SMYD3: variants seen among roughly 807,000 people sequenced by gnomAD.
The protein encoded by SMYD3 is SET and MYND domain containing 3, also known as histone-lysine N-methyltransferase SMYD3.
In SMYD3, 36 loss-of-function variants were observed where a neutral mutation model predicts 57.7. The ratio of observed to expected loss-of-function variants is 0.62; its 90% CI spans 0.48 to 0.82. The LOEUF (loss-of-function observed/expected upper bound fraction) is 0.82, where lower values mean the gene tolerates loss of function less well. Ranked by LOEUF, SMYD3 falls within the 40% of genes least tolerant of loss-of-function variation. The pLI is 0.00. For synonymous variants in SMYD3, 211 were observed against 195.0 expected (o/e 1.08, Z -0.68); for missense variants, 515 against 538.8 (o/e 0.96, Z 0.44).
intron 5 of SMYD3, among the ~76,000 whole-genome samples, chr1:245,982,136 T>A (rs1021576409): frequency 6.6e-6 from 1 of 151,258 alleles, no homozygotes; most frequent in African/African-American, 2.4e-5. Flanking sequence ...TGTAATAGAA[T>A]CACATTTCGA....
chr1:246,184,911 C>T (rs2062607676), intron 5 of SMYD3, among the ~76,000 whole-genome samples: 1 of 152,100 alleles, frequency 6.6e-6, no homozygotes, highest in Non-Finnish European at 1.5e-5. Flanking sequence ...GTTACAGTAC[C>T]CTGAGGTGGC....
rs1342744665 is a variant in SMYD3 at position 246,061,744 on chromosome 1, A to G, written c.532-131807T>C. Among the ~76,000 whole-genome samples the G allele has an allele frequency of 2.0e-5, 3 of 152,152 alleles. No individual in the cohort carries two copies. The East Asian group carries it at 5.8e-4, about 29-fold the overall frequency. On this transcript the variant is annotated intron_variant, in intron 5 of 11. Coordinates refer to ENST00000490107, the MANE Select transcript of SMYD3 (RefSeq NM_001167740.2). Reference sequence around the variant, plus strand: ...TGTCTCAAAAATAAAATAATTTTAAAAGTTAAAGCTAACAAAATATACACA... The same window carrying G: ...TGTCTCAAAAATAAAATAATTTTAAGAGTTAAAGCTAACAAAATATACACA...
rs1220430813 is a variant in SMYD3, at chr1:246,048,627, C to T, written c.532-118690G>A. Among the ~76,000 whole-genome samples the T allele has an allele frequency of 3.3e-5, 5 of 152,248 alleles. No individual in the cohort carries two copies. In the South Asian group the frequency reaches 1.0e-3, roughly 32 times the overall value. On this transcript the variant is annotated intron_variant, in intron 5 of 11. Transcript: ENST00000490107. ...TCTAGAGGATGGAAGCCCGACAGCC[C>T]ATTCCAAGTCTGGGCTTCACCACTT...
chr1:246,236,819 C>T (rs1245436855), intron 5 of SMYD3, among the ~76,000 whole-genome samples: 2 of 152,114 alleles, frequency 1.3e-5, no homozygotes, highest in Non-Finnish European at 2.9e-5. Context: ...GCCAACCATA[C>T]ATTTAAAGGT....
intron 5 of SMYD3, among the ~76,000 whole-genome samples, chr1:246,296,712 G>A (rs940878075): frequency 6.6e-6 from 1 of 152,012 alleles, no homozygotes; most frequent in East Asian, 1.9e-4. Context: ...TCACAGTGAA[G>A]GTTCAGCATA....
At chr1:246,235,003 T>C (rs1400944065) in intron 5 of SMYD3, among the ~76,000 whole-genome samples, 1 of 152,186 alleles carries the variant, frequency 6.6e-6, no homozygotes, top group Admixed American at 6.5e-5. Context: ...AAGTGGAATG[T>C]GGCGTTAAAT....
At chr1:246,177,378 G>T (rs1239704932) in intron 5 of SMYD3, among the ~76,000 whole-genome samples, 4 of 152,150 alleles carry the variant, frequency 2.6e-5, no homozygotes, top group Non-Finnish European at 5.9e-5. Flanking sequence ...TTAAGCCAGA[G>T]TTGCACCAAG....
intron 1 of SMYD3, among the ~76,000 whole-genome samples, chr1:246,362,029 C>T (rs2065995841): frequency 6.6e-6 from 1 of 152,138 alleles, no homozygotes; most frequent in African/African-American, 2.4e-5. Flanking sequence ...CAGGAGAATG[C>T]TGTGGTACGC....
intron 10 of SMYD3, among the ~76,000 whole-genome samples, chr1:245,787,305 A>G (rs1010951475): frequency 6.6e-6 from 1 of 152,194 alleles, no homozygotes; most frequent in African/African-American, 2.4e-5. Flanking sequence ...TCTATGAGGC[A>G]GCTCTTTACA....
chr1:246,368,644 T>C (rs2066145705), intron 1 of SMYD3, among the ~76,000 whole-genome samples: 1 of 152,196 alleles, frequency 6.6e-6, no homozygotes, highest in South Asian at 2.1e-4. Context: ...TCTATGAGGT[T>C]GTGGCCAAAG....
intron 1 of SMYD3, among the ~76,000 whole-genome samples, chr1:246,431,253 T>G (rs970124803): frequency 6.6e-6 from 1 of 152,162 alleles, no homozygotes; most frequent in Admixed American, 6.5e-5. Context: ...ACACATAGGA[T>G]TTTTACATTC....
intron 8 of SMYD3, among the ~76,000 whole-genome samples, chr1:245,868,683 A>G (rs1297792409): frequency 6.6e-6 from 1 of 152,214 alleles, no homozygotes; most frequent in East Asian, 1.9e-4. Flanking sequence ...CTCTGAGAGC[A>G]TTTTATATTG....
chr1:246,271,561 T>C (rs2064222733), intron 5 of SMYD3, among the ~76,000 whole-genome samples: 1 of 152,194 alleles, frequency 6.6e-6, no homozygotes, highest in Non-Finnish European at 1.5e-5. Flanking sequence ...GACTGTGCTT[T>C]CTCCATTGAA....
intron 5 of SMYD3, among the ~76,000 whole-genome samples, chr1:246,057,055 C>G (rs941091756): frequency 6.6e-6 from 1 of 152,142 alleles, no homozygotes. Flanking sequence ...CCCAGCTACT[C>G]CGGAAGCTGT....
At chr1:246,238,446 C>G (rs1443524330) in intron 5 of SMYD3, among the ~76,000 whole-genome samples, 1 of 152,092 alleles carries the variant, frequency 6.6e-6, no homozygotes, top group Non-Finnish European at 1.5e-5. Context: ...GATCCCAGTC[C>G]TCTGTGCTTT....
chr1:246,331,290 T>C (rs2065457793), intron 3 of SMYD3, among the ~76,000 whole-genome samples: 4 of 152,194 alleles, frequency 2.6e-5, no homozygotes, highest in Admixed American at 2.6e-4. Context: ...GCCGAAGAAA[T>C]CACTTCAGTG....
intron 5 of SMYD3, among the ~76,000 whole-genome samples, chr1:246,017,050 G>C (rs2059389638): frequency 6.6e-6 from 1 of 151,950 alleles, no homozygotes; most frequent in Admixed American, 6.6e-5. Context: ...TGTTCCCTGA[G>C]GACAGAATAA....
At chr1:246,068,944 T>C (rs1248035967) in intron 5 of SMYD3, among the ~76,000 whole-genome samples, 1 of 152,168 alleles carries the variant, frequency 6.6e-6, no homozygotes, top group Non-Finnish European at 1.5e-5. Context: ...TGGTCTCCCT[T>C]TTCAAAAATG....
chr1:246,113,537 A>G (rs541395083), intron 5 of SMYD3, among the ~76,000 whole-genome samples: 1 of 152,372 alleles, frequency 6.6e-6, no homozygotes, highest in Admixed American at 6.5e-5. Flanking sequence ...AACGCAAAGT[A>G]TAAAAAGGCA....
Sources: gnomAD v4.1 joint callset for allele counts (sites outside exome capture counted in the v4.1 genomes callset) on GRCh38, gnomAD v4.1.1 for gene constraint, MANE v1.5 for transcripts, NCBI Gene and HGNC (gene_info 2026-07-23, HGNC 2026-07-21) for gene names.